RABL2A: variants seen among roughly 807,000 people sequenced by gnomAD.
RABL2A encodes the protein RAB, member of RAS oncogene family like 2A.
Under a neutral mutation model 30.7 loss-of-function variants are expected in RABL2A, and 17 were observed. That is an observed-to-expected ratio of 0.55 (90% CI 0.38 to 0.83). The LOEUF is 0.83. RABL2A is among the 40% of genes least tolerant of loss of function. The probability of loss-of-function intolerance (pLI) is 0.00; values close to 1 mark genes in which losing one functional copy is unlikely to be tolerated. For synonymous variants in RABL2A, 64 were observed against 101.8 expected (o/e 0.63, Z 2.24); for missense variants, 155 against 272.6 (o/e 0.57, Z 3.04).
chr2:113,633,022 C>A lies in RABL2A; in HGVS notation c.137+78C>A, dbSNP rs773833240. On this transcript the variant is annotated intron_variant, in intron 3 of 8. Coordinates refer to ENST00000683472, the MANE Select transcript of RABL2A (RefSeq NM_001306158.2). ...ATGTATCAGTGTCCCACTGCCCACC[C>A]CTTTGTACCAGCAGCCCAGGAACAG... is the stretch of plus-strand genomic sequence containing the variant. The A allele has an allele frequency of 9.3e-6, 15 of 1,606,912 alleles. No homozygotes were observed. In the Admixed American group the frequency reaches 2.2e-4, roughly 23 times the overall value.
rs771627755 is a variant in RABL2A, at chr2:113,634,140, A to T, written c.138-13A>T. ...TCCCCTTTTATTGATTTTGCTCCTT[A>T]ACCTGAGTGCAGTCAGCCACAGCAG... On this transcript the variant is annotated splice_polypyrimidine_tract_variant and intron_variant, in intron 3 of 8. Coordinates refer to ENST00000683472, the MANE Select transcript of RABL2A (RefSeq NM_001306158.2). 1.4e-5 allele frequency: 22 copies of T among 1,604,884 alleles called. No individual in the cohort carries two copies. The East Asian group carries it at 2.3e-4, about 16-fold the overall frequency.
At chr2:113,627,916 G>A (rs1678729292) in intron 1 of RABL2A, 2 of 158,408 alleles carry the variant, frequency 1.3e-5, no homozygotes, top group African/African-American at 4.9e-5. Context: ...CACTTCCCAG[G>A]AATTGTCTCC....
intron 4 of RABL2A, 61 bp downstream of exon 4, chr2:113,634,293 G>C (rs1681623358): frequency 6.4e-7 from 1 of 1,565,026 alleles, no homozygotes; most frequent in African/African-American, 1.4e-5. Context: ...GAGACGAGGG[G>C]AGGTGAGGCA....
At chr2:113,630,029 CAG>C (rs1015536280) in intron 2 of RABL2A, among the ~76,000 whole-genome samples, 6 of 152,206 alleles carry the variant, frequency 3.9e-5, no homozygotes, top group South Asian at 2.1e-4. Flanking sequence ...TAATAACAAA[CAG>C]AGCTTTCGGA....
rs1397825322 is a variant in RABL2A, at chr2:113,642,917, C to T, written c.*788C>T. The T allele has an allele frequency of 1.8e-4, 56 of 317,830 alleles. No homozygotes were observed. Among genetic ancestry groups the T allele is most frequent in the Non-Finnish European group, 3.1e-4 (50 of 163,516 alleles). The allele number at this position is 317,830 out of a possible 1,614,324, so 19.7% of individuals were successfully genotyped here. On this transcript the variant is annotated 3_prime_UTR_variant, in exon 9 of 9. Transcript: ENST00000683472. ...CTGGGATTACAGGCATGAGCCACCG[C>T]GCCCGGCCCCAATCATCTGTTTTTA...
At chr2:113,632,633 G>A (rs1680840794) in intron 2 of RABL2A, among the ~76,000 whole-genome samples, 1 of 152,252 alleles carries the variant, frequency 6.6e-6, no homozygotes, top group South Asian at 2.1e-4. Context: ...ATAACACAAG[G>A]GTAATTGCAT....
At chr2:113,635,465 C>T in intron 5 of RABL2A, 4 of 399,658 alleles carry the variant, frequency 1.0e-5, no homozygotes, top group South Asian at 8.5e-5. Context: ...CCCAAGGCCT[C>T]CCTCCACTGT....
At position 113,640,517 on chromosome 2, in the gene RABL2A, C is replaced by A. The variant is rs2595121; in HGVS notation, c.298-377C>A. On this transcript the variant is annotated intron_variant, in intron 5 of 8. Coordinates refer to ENST00000683472, the MANE Select transcript of RABL2A (RefSeq NM_001306158.2). Reference sequence around the variant, plus strand: ...CAGCCTCCCAAGTAGCTGAGATTACCGGCATGCGCCACCACGCCCAGCTAA... The same window carrying A: ...CAGCCTCCCAAGTAGCTGAGATTACAGGCATGCGCCACCACGCCCAGCTAA... 992 of 298,544 alleles carry A rather than the reference C, an allele frequency of 3.3e-3. 9 individuals carry two copies. The highest frequency in any genetic ancestry group is 0.019 in the African/African-American group (863 of 45,654). The allele number at this position is 298,544 out of a possible 1,614,324, so 18.5% of individuals were successfully genotyped here.
In RABL2A at chr2:113,634,424, T is replaced by A. The variant is rs1294628129; in HGVS notation, c.217+192T>A. 1.0e-5 allele frequency: 7 copies of A among 688,936 alleles called. No homozygotes were observed. In the Admixed American group the frequency reaches 2.0e-4, roughly 20 times the overall value. 42.7% of individuals were successfully genotyped at this position (688,936 alleles called of 1,614,324 possible). A position where few individuals can be genotyped will look rare whatever the true frequency, so the allele number is the denominator to read the frequency against. ...TGGAAGGGGGCACGCAGGGGCCAAG[T>A]CCCAGCCCTCTGACCTGGCGTCCAG... is the stretch of plus-strand genomic sequence containing the variant. On this transcript the variant is annotated intron_variant, in intron 4 of 8. Transcript: ENST00000683472.
chr2:113,642,960 A>G lies in RABL2A; in HGVS notation c.*831A>G, dbSNP rs1310959758. 5.9e-6 allele frequency: 2 copies of G among 336,872 alleles called. No homozygotes were observed. Among genetic ancestry groups the G allele is most frequent in the African/African-American group, 4.5e-5 (2 of 44,792 alleles). The allele number at this position is 336,872 out of a possible 1,614,324, so 20.9% of individuals were successfully genotyped here. A position where few individuals can be genotyped will look rare whatever the true frequency, so the allele number is the denominator to read the frequency against. The stretch of plus-strand genomic sequence containing the variant: ...TGTTTTTAAACAATCGTTTTTGAGC[A>G]GATAGCTATTCATTCCAGATTTCCG... On this transcript the variant is annotated 3_prime_UTR_variant, in exon 9 of 9. Transcript: ENST00000683472.
At position 113,642,167 on chromosome 2, in the gene RABL2A, T is replaced by C. The variant is rs1685453559; in HGVS notation, c.*38T>C. On this transcript the variant is annotated 3_prime_UTR_variant, in exon 9 of 9. Coordinates refer to ENST00000683472, the MANE Select transcript of RABL2A (RefSeq NM_001306158.2). Reference sequence around the variant, plus strand: ...AGGGGTGGGTGGAGCCCTTTTAAAATACCCTTCCCTTCAACAACTCTCCAG... The same window carrying C: ...AGGGGTGGGTGGAGCCCTTTTAAAACACCCTTCCCTTCAACAACTCTCCAG... 9.5e-6 allele frequency: 15 copies of C among 1,583,578 alleles called. No individual in the cohort carries two copies. Among genetic ancestry groups the C allele is most frequent in the South Asian group, 1.2e-5 (1 of 85,900 alleles).
rs370872266 is a variant in RABL2A, at chr2:113,641,331, A to G, written c.410-22A>G. On this transcript the variant is annotated intron_variant, in intron 6 of 8. Coordinates refer to ENST00000683472, the MANE Select transcript of RABL2A (RefSeq NM_001306158.2). ...CTTCTTCCCTTCCCTTGACAGACCA[A>G]TGTCCTACCTTCTCTCTACAGCAGA... 849 of 1,613,740 alleles carry G rather than the reference A, an allele frequency of 5.3e-4. 10 individuals are homozygous for G. The South Asian group carries it at 7.6e-3, about 14-fold the overall frequency.
chr2:113,636,385 C>T (rs1315805188), intron 5 of RABL2A, among the ~76,000 whole-genome samples: 1 of 78,262 alleles, frequency 1.3e-5, no homozygotes, highest in African/African-American at 3.6e-5. Context: ...GGCATCTCCC[C>T]ACACACACAC....
At chr2:113,632,199 G>A (rs538420379) in intron 2 of RABL2A, among the ~76,000 whole-genome samples, 9 of 152,226 alleles carry the variant, frequency 5.9e-5, no homozygotes, top group Non-Finnish European at 1.3e-4. Flanking sequence ...TCTGGCAGGA[G>A]CATTTCAACA....
chr2:113,641,491 T>C, intron 7 of RABL2A, 41 bp downstream of exon 7: 1 of 1,611,050 alleles, frequency 6.2e-7, no homozygotes, highest in Non-Finnish European at 8.5e-7. Context: ...GTCAGGGCGC[T>C]AGGTGGTAAA....
In RABL2A at chr2:113,635,015, A is replaced by C. The variant is rs1327979211; in HGVS notation, c.218-36A>C. 2.5e-6 allele frequency: 4 copies of C among 1,614,004 alleles called. No individual in the cohort carries two copies. In the African/African-American group the frequency reaches 5.3e-5, roughly 22 times the overall value. ...ATCTTAGTGACTTGCACAGAAATGCACCAGGCATGTAGGTCTGTCTGTGTT... is the reference window on the plus strand; with the variant it reads ...ATCTTAGTGACTTGCACAGAAATGCCCCAGGCATGTAGGTCTGTCTGTGTT... On this transcript the variant is annotated intron_variant, in intron 4 of 8. Transcript: ENST00000683472.
chr2:113,637,994 C>G lies in RABL2A; in HGVS notation c.297+2864C>G, dbSNP rs565495128. 3 of 985,120 alleles carry G rather than the reference C, an allele frequency of 3.0e-6. No homozygotes were observed. The African/African-American group carries it at 5.2e-5, about 17-fold the overall frequency. The allele number at this position is 985,120 out of a possible 1,614,324, so 61.0% of individuals were successfully genotyped here. ...CACACGGGGAGCTGAGGGTCAGAGA[C>G]GGAACCAGGGCTCGACCCTCCACCT... On this transcript the variant is annotated intron_variant, in intron 5 of 8. Transcript: ENST00000683472.
chr2:113,629,453 C>T (rs915076595), intron 2 of RABL2A, among the ~76,000 whole-genome samples: 2 of 151,942 alleles, frequency 1.3e-5, no homozygotes, highest in African/African-American at 2.4e-5. Flanking sequence ...GTTTTTAGGC[C>T]ATCTCCATGA....
At chr2:113,627,808 G>A in intron 1 of RABL2A, 1 of 198,598 alleles carries the variant, frequency 5.0e-6, no homozygotes, top group African/African-American at 2.4e-5. Flanking sequence ...ACGTCTTCAA[G>A]CATGGAGCCA....
Sources: allele counts gnomAD v4.1 joint callset (sites outside exome capture counted in the v4.1 genomes callset), GRCh38; gene constraint gnomAD v4.1.1; transcripts MANE v1.5; gene names NCBI Gene and HGNC (gene_info 2026-07-23, HGNC 2026-07-21).